SP140: variants seen among roughly 807,000 people sequenced by gnomAD.
The protein encoded by SP140 is nuclear body protein SP140.
A neutral mutation model predicts 125.0 loss-of-function variants in SP140; 81 were observed. That is an observed-to-expected ratio of 0.65 (90% CI 0.54 to 0.78). The LOEUF (loss-of-function observed/expected upper bound fraction) is 0.78. Among genes scored for constraint, SP140 ranks in the 30% least tolerant of loss-of-function variants. The probability of loss-of-function intolerance (pLI) is 0.00; values close to 1 mark genes in which losing one functional copy is unlikely to be tolerated. For synonymous variants in SP140, 312 were observed against 354.0 expected (o/e 0.88, Z 1.33); for missense variants, 858 against 1,037.0 (o/e 0.83, Z 2.37).
At chr2:230,254,803 G>T (rs1398568261) in intron 11 of SP140, among the ~76,000 whole-genome samples, 1 of 152,126 alleles carries the variant, frequency 6.6e-6, no homozygotes, top group Non-Finnish European at 1.5e-5. Flanking sequence ...CCTTCATGGG[G>T]CCCCAGCCCA....
At chr2:230,220,135 G>A in intron 3 of SP140, 4 of 962,586 alleles carry the variant, frequency 4.2e-6, no homozygotes, top group Non-Finnish European at 4.9e-6. Flanking sequence ...GGACGTCTTG[G>A]CAGTTGGGGT....
chr2:230,308,164 CACTT>C (rs1216021911), intron 22 of SP140, among the ~76,000 whole-genome samples: 1 of 151,550 alleles, frequency 6.6e-6, no homozygotes, highest in East Asian at 1.9e-4. Flanking sequence ...CGTGTGTTCT[CACTT>C]ATAAGTTGGA....
chr2:230,269,012 A>T (rs1478156105), intron 12 of SP140, among the ~76,000 whole-genome samples: 1 of 152,220 alleles, frequency 6.6e-6, no homozygotes, highest in African/African-American at 2.4e-5. Context: ...CTGCAGTTTT[A>T]TAGAGAGTTT....
Position 230,312,765 on chromosome 2 carries a change from G to T in SP140, c.*81G>T. Reference sequence around the variant, plus strand: ...GGTTTGCCACTGACTTCAAAATGAGGTCACTTGGGCACAGCACATGCAGGG... The same window carrying T: ...GGTTTGCCACTGACTTCAAAATGAGTTCACTTGGGCACAGCACATGCAGGG... On this transcript the variant is annotated 3_prime_UTR_variant, in exon 27 of 27. Transcript: ENST00000392045. 4 of 1,026,956 alleles carry T rather than the reference G, an allele frequency of 3.9e-6. No homozygotes were observed. Among genetic ancestry groups the T allele is most frequent in the Non-Finnish European group, 6.1e-6 (4 of 655,786 alleles). The allele number at this position is 1,026,956 out of a possible 1,614,324, so 63.6% of individuals were successfully genotyped here.
chr2:230,210,949 A>G (rs1025963376), intron 1 of SP140, among the ~76,000 whole-genome samples: 8 of 152,166 alleles, frequency 5.3e-5, no homozygotes, highest in Admixed American at 4.6e-4. Context: ...TGGAAGGAGG[A>G]CCATCCATGT....
the SP140 span, among the ~76,000 whole-genome samples, chr2:230,188,702 C>T: frequency 6.6e-6 from 1 of 152,116 alleles, no homozygotes; most frequent in Non-Finnish European, 1.5e-5. Context: ...TAAAGGGATG[C>T]TGGATTTTAT....
chr2:230,290,209 A>C (rs1407943157), intron 18 of SP140, among the ~76,000 whole-genome samples: 1 of 152,218 alleles, frequency 6.6e-6, no homozygotes, highest in Non-Finnish European at 1.5e-5. Flanking sequence ...TAGGAGTTAA[A>C]CCAGTTTTAC....
At chr2:230,197,178 A>G in the SP140 span, among the ~76,000 whole-genome samples, 1 of 151,778 alleles carries the variant, frequency 6.6e-6, no homozygotes, top group South Asian at 2.1e-4. Flanking sequence ...AAGTGTTCCT[A>G]TTTCTCCACA....
At chr2:230,222,711 G>A (rs1158830988), upstream of SP140, among the ~76,000 whole-genome samples, 1 of 149,736 alleles carries the variant, frequency 6.7e-6, no homozygotes, top group East Asian at 1.9e-4. Context: ...AAAAAAAAAA[G>A]ATACAGACCA....
chr2:230,240,259 A>G (rs932400740), intron 3 of SP140, among the ~76,000 whole-genome samples: 1 of 152,222 alleles, frequency 6.6e-6, no homozygotes, highest in Non-Finnish European at 1.5e-5. Flanking sequence ...GAGAGTAGGC[A>G]GTAATTTGCT....
intron 22 of SP140, among the ~76,000 whole-genome samples, chr2:230,299,504 C>T (rs2149535158): frequency 6.6e-6 from 1 of 152,284 alleles, no homozygotes; most frequent in South Asian, 2.1e-4. Context: ...TTGGGGAGGG[C>T]AGCCAGTACA....
rs1035695104 is a variant in SP140, at chr2:230,228,541, A to G, written c.59+2638A>G. 3.9e-5 allele frequency among the ~76,000 whole-genome samples: 6 copies of G among 152,304 alleles called. No individual in the cohort carries two copies. In the South Asian group the frequency reaches 1.2e-3, roughly 32 times the overall value. ...GTCTATTTCTCTTTATAGTTCTATC[A>G]GTTTTTGCCTCATACATTTTGCCAT... On this transcript the variant is annotated intron_variant, in intron 1 of 26. Transcript: ENST00000392045.
At chr2:230,258,307 G>C (rs559079645) in intron 12 of SP140, among the ~76,000 whole-genome samples, 1 of 152,290 alleles carries the variant, frequency 6.6e-6, no homozygotes, top group East Asian at 1.9e-4. Context: ...GCTAGATTGA[G>C]AGTGTTATCC....
chr2:230,287,187 T>C (rs553151994), intron 17 of SP140, among the ~76,000 whole-genome samples: 17 of 152,334 alleles, frequency 1.1e-4, no homozygotes, highest in Non-Finnish European at 2.1e-4. Flanking sequence ...ATTCTACCCA[T>C]TCCTCATGGT....
intron 12 of SP140, among the ~76,000 whole-genome samples, chr2:230,266,679 T>G (rs1191850945): frequency 6.6e-6 from 1 of 152,214 alleles, no homozygotes; most frequent in Non-Finnish European, 1.5e-5. Context: ...GTTGACATAA[T>G]CCAGTTCCTC....
chr2:230,238,911 T>C (rs1328359037), intron 3 of SP140: 3 of 1,549,596 alleles, frequency 1.9e-6, no homozygotes, highest in Non-Finnish European at 2.6e-6. Context: ...GTGGGGGCCT[T>C]TCCGAACCAT....
At chr2:230,305,600 G>C (rs1183047315) in intron 22 of SP140, among the ~76,000 whole-genome samples, 1 of 152,246 alleles carries the variant, frequency 6.6e-6, no homozygotes, top group Non-Finnish European at 1.5e-5. Context: ...GGCAGGGAGG[G>C]GTGAGCAGAG....
At chr2:230,196,907 G>A in the SP140 span, among the ~76,000 whole-genome samples, 1 of 152,180 alleles carries the variant, frequency 6.6e-6, no homozygotes, top group Non-Finnish European at 1.5e-5. Flanking sequence ...ATTCCATGGT[G>A]TATATATGCC....
intron 3 of SP140, among the ~76,000 whole-genome samples, 166 bp from the exon 4 acceptor site, chr2:230,241,238 T>C (rs2048681820): frequency 6.6e-6 from 1 of 152,126 alleles, no homozygotes; most frequent in Admixed American, 6.5e-5. Context: ...CACAATGATT[T>C]ACACTTAAGA....
Sources: gnomAD v4.1 joint callset for allele counts (sites outside exome capture counted in the v4.1 genomes callset) on GRCh38, gnomAD v4.1.1 for gene constraint, MANE v1.5 for transcripts, NCBI Gene and HGNC (gene_info 2026-07-23, HGNC 2026-07-21) for gene names.